TSACC: variants seen among roughly 807,000 people sequenced by gnomAD.
The protein encoded by TSACC is TSSK6-activating co-chaperone protein.
A neutral mutation model predicts 6.9 loss-of-function variants in TSACC; 3 were observed. The ratio of observed to expected loss-of-function variants is 0.43; its 90% CI spans 0.20 to 1.12. The LOEUF (loss-of-function observed/expected upper bound fraction) is 1.12, where lower values mean the gene tolerates loss of function less well. Ranked by LOEUF, TSACC falls within the 50% of genes most tolerant of loss-of-function variation. The pLI, the probability that TSACC is intolerant of heterozygous loss-of-function variation, is 0.28. For synonymous variants in TSACC, 54 were observed against 55.1 expected, an observed-to-expected ratio of 0.98 and a Z score of 0.09; for missense variants, 137 against 143.9, an observed-to-expected ratio of 0.95 and a Z score of 0.24.
intron 2 of TSACC, 90 bp downstream of exon 2, chr1:156,339,881 C>G: frequency 7.2e-7 from 1 of 1,380,294 alleles, no homozygotes; most frequent in Non-Finnish European, 1.0e-6. Flanking sequence ...GTATTCCCAG[C>G]ACCTAGAACT....
In TSACC at chr1:156,339,780, C is replaced by T; in HGVS notation, c.23C>T (p.Pro8Leu). The T allele has an allele frequency of 6.2e-7, 1 of 1,614,102 alleles. No individual in the cohort carries two copies. Residue 8 changes from proline (P) to leucine (L), a missense_variant, in exon 2 of 4, where the codon CCT becomes CTT. Coordinates refer to ENST00000368254, the MANE Select transcript of TSACC (RefSeq NM_001304817.2). MERHTSHPNRKVPAKEEA... is the reference protein window; with the variant it reads MERHTSHLNRKVPAKEEA... ...CAGATGGAGCGGCACACTAGTCATC[C>T]TAACAGAAAAGGTGTGTGTTGGAGG...
rs767208781 is a variant in TSACC, at chr1:156,344,748, G to A, written c.163+40G>A. ...AGGGTTTTCTAATGGACTCAACAGG[G>A]GGAAGGGTTGCATGGAGGAGGTGGC... On this transcript the variant is annotated intron_variant, in intron 3 of 3. Coordinates refer to ENST00000368254, the MANE Select transcript of TSACC (RefSeq NM_001304817.2). 11 of 1,603,214 alleles carry A rather than the reference G, an allele frequency of 6.9e-6. No homozygotes were observed. In the African/African-American group the frequency reaches 1.3e-4, roughly 20 times the overall value.
upstream of TSACC, chr1:156,338,298 A>G (rs1665553292): frequency 7.0e-6 from 7 of 993,272 alleles, no homozygotes; most frequent in Admixed American, 6.2e-5. Context: ...CTTACACCTC[A>G]ACCCGCTACT....
chr1:156,338,491 A>G (rs181515465), upstream of TSACC: 166 of 525,500 alleles, frequency 3.2e-4, no homozygotes, highest in African/African-American at 1.5e-3. Context: ...GGCCGCGTGC[A>G]GCGCGAACGT....
At chr1:156,344,354 G>A (rs1336144566) in intron 2 of TSACC, among the ~76,000 whole-genome samples, 2 of 152,126 alleles carry the variant, frequency 1.3e-5, no homozygotes, top group Non-Finnish European at 2.9e-5. Context: ...AGCATGTAGT[G>A]TATATCAGTA....
intron 2 of TSACC, among the ~76,000 whole-genome samples, chr1:156,341,745 T>C (rs375448946): frequency 6.6e-6 from 1 of 152,240 alleles, no homozygotes; most frequent in South Asian, 2.1e-4. Context: ...TGTAAAGCAT[T>C]CTTCAAACCT....
chr1:156,344,518 G>A (rs757913319), intron 2 of TSACC, 62 bp from the exon 3 acceptor site: 28 of 1,585,934 alleles, frequency 1.8e-5, no homozygotes, highest in Middle Eastern at 1.7e-4. Context: ...CAGGTGCAGG[G>A]ATCTAATTAG....
chr1:156,339,495 C>A, intron 1 of TSACC, 139 bp from the exon 2 acceptor site: 50 of 396,460 alleles, frequency 1.3e-4, no homozygotes, highest in Middle Eastern at 1.4e-3. Flanking sequence ...GGTTAAATTA[C>A]TATTTTGTCC....
upstream of TSACC, chr1:156,338,155 G>A (rs1445092797): frequency 6.9e-6 from 11 of 1,587,592 alleles, no homozygotes; most frequent in Admixed American, 3.7e-5. Flanking sequence ...AGAACTCACT[G>A]AGCACGAGCA....
At chr1:156,338,301 C>A (rs941033130), upstream of TSACC, 41 of 973,410 alleles carry the variant, frequency 4.2e-5, no homozygotes, top group African/African-American at 3.9e-4. Context: ...ACACCTCAAC[C>A]CGCTACTCTC....
chr1:156,344,754 G>C, intron 3 of TSACC, 46 bp downstream of exon 3: 3 of 1,597,094 alleles, frequency 1.9e-6, no homozygotes, highest in Non-Finnish European at 8.5e-7. Flanking sequence ...CAGGGGGAAG[G>C]GTTGCATGGA....
At chr1:156,342,474 C>T (rs1412212896) in intron 2 of TSACC, among the ~76,000 whole-genome samples, 1 of 152,264 alleles carries the variant, frequency 6.6e-6, no homozygotes, top group Non-Finnish European at 1.5e-5. Flanking sequence ...ATAAGCACTT[C>T]TTCCTCTTAC....
At chr1:156,338,199 G>C (rs753112621), upstream of TSACC, 3 of 1,585,352 alleles carry the variant, frequency 1.9e-6, no homozygotes, top group Non-Finnish European at 2.6e-6. Flanking sequence ...ACGCGATGCA[G>C]AGCCGGGTAC....
rs41265041 is a variant in TSACC at position 156,344,649 on chromosome 1, T to G, written c.104T>G (p.Leu35Arg). 28,110 of 1,614,010 alleles carry G rather than the reference T, an allele frequency of 0.017. 259 individuals carry two copies. Among genetic ancestry groups the G allele is most frequent in the Middle Eastern group, 0.021 (125 of 6,062 alleles). Residue 35 changes from leucine (L) to arginine (R), a missense_variant, in exon 3 of 4, where the codon CTT becomes CGT. Coordinates refer to ENST00000368254, the MANE Select transcript of TSACC (RefSeq NM_001304817.2). ...AAACCCTCCCCCAGCTATATTAATC[T>G]TCAAGCAAGTTCCCCACCAGCCACT... ...RAKPSPSYIN[L>R]QASSPPATFL...
chr1:156,344,738 A>G (rs1431206292), intron 3 of TSACC, 30 bp downstream of exon 3: 75 of 1,610,284 alleles, frequency 4.7e-5, no homozygotes, highest in Non-Finnish European at 6.4e-5. Flanking sequence ...TTTCTAATGG[A>G]CTCAACAGGG....
intron 1 of TSACC, chr1:156,339,008 A>T (rs1175416204): frequency 6.6e-6 from 1 of 152,376 alleles, no homozygotes; most frequent in Non-Finnish European, 1.5e-5. Context: ...TCACGCCTGT[A>T]ATCCCAGCAC....
upstream of TSACC, chr1:156,338,394 C>G (rs1237571327): frequency 1.7e-6 from 1 of 581,534 alleles, no homozygotes; most frequent in Non-Finnish European, 3.1e-6. Flanking sequence ...GCCCCCTACG[C>G]AAGAACGGCC....
chr1:156,346,920 T>C lies in TSACC; in HGVS notation c.316T>C (p.Ser106Pro). 6.2e-7 allele frequency: 1 copy of C among 1,614,190 alleles called. No individual in the cohort carries two copies. Among genetic ancestry groups the C allele is most frequent in the South Asian group, 1.1e-5 (1 of 91,086 alleles). ...GGCTCCTGGGAGGGGAAGCAATAAC[T>C]CTTCTCTCCCAGCCTTATCTCCTAA... is the stretch of plus-strand genomic sequence containing the variant. ...QLAPGRGSNN[S>P]SLPALSPNPL... Residue 106 changes from serine (S) to proline (P), a missense_variant, in exon 4 of 4, where the codon TCT (serine) becomes CCT (proline). Transcript: ENST00000368254.
At chr1:156,340,028 A>G (rs1665773212) in intron 2 of TSACC, among the ~76,000 whole-genome samples, 1 of 152,260 alleles carries the variant, frequency 6.6e-6, no homozygotes, top group East Asian at 1.9e-4. Flanking sequence ...GAGTGAAGAG[A>G]TACTGAGTTG....
Sources: gnomAD v4.1 joint callset for allele counts (sites outside exome capture counted in the v4.1 genomes callset) on GRCh38, gnomAD v4.1.1 for gene constraint, MANE v1.5 for transcripts, NCBI Gene and HGNC (gene_info 2026-07-23, HGNC 2026-07-21) for gene names.